SC5D: variants seen among roughly 807,000 people sequenced by gnomAD.
The protein encoded by SC5D is sterol-C5-desaturase.
Under a neutral mutation model 23.9 loss-of-function variants are expected in SC5D, and 21 were observed. That is an observed-to-expected ratio of 0.88 (90% CI 0.62 to 1.26). The LOEUF is 1.26. Among genes scored for constraint, SC5D ranks in the 50% most tolerant of loss-of-function variants. SC5D has a pLI of 0.00. For synonymous variants in SC5D, 113 were observed against 125.9 expected, an observed-to-expected ratio of 0.90 and a Z score of 0.68; for missense variants, 309 against 364.8, an observed-to-expected ratio of 0.85 and a Z score of 1.25.
Position 121,308,023 on chromosome 11 carries a change from A to G in SC5D, c.*511A>G, listed in dbSNP as rs1947980961. 1 of 154,362 alleles carries G rather than the reference A, an allele frequency of 6.5e-6. No homozygotes were observed. Among genetic ancestry groups the G allele is most frequent in the Non-Finnish European group, 1.4e-5 (1 of 69,406 alleles). 9.6% of individuals were successfully genotyped at this position (154,362 alleles called of 1,614,324 possible). On this transcript the variant is annotated 3_prime_UTR_variant, in exon 5 of 5. Coordinates refer to ENST00000264027, the MANE Select transcript of SC5D (RefSeq NM_006918.5). The stretch of plus-strand genomic sequence containing the variant: ...TTTGACTTGAATAAAGTACTACATC[A>G]GTGTGGAAAAAAATTCTGATACATT...
intron 1 of SC5D, among the ~76,000 whole-genome samples, chr11:121,296,811 C>A (rs769438018): frequency 3.9e-4 from 59 of 152,128 alleles, no homozygotes; most frequent in Non-Finnish European, 1.5e-4. Context: ...TTAAATTTTT[C>A]TTTTCCTGAC....
chr11:121,294,508 T>C (rs1488366626), intron 1 of SC5D, among the ~76,000 whole-genome samples: 2 of 152,140 alleles, frequency 1.3e-5, no homozygotes, highest in East Asian at 3.8e-4. Flanking sequence ...CTTTGAGGCT[T>C]CTTGAAAGGG....
rs1289799355 is a variant in SC5D at position 121,292,794 on chromosome 11, G to C, written c.-33G>C. On this transcript the variant is annotated 5_prime_UTR_variant, in exon 1 of 5. Coordinates refer to ENST00000264027, the MANE Select transcript of SC5D (RefSeq NM_006918.5). ...ACAGTTTGCAGAGCAGTGGCGTGCG[G>C]AGCGGCGGCGGACCACCTCCAGGTG... 5 of 152,652 alleles carry C rather than the reference G, an allele frequency of 3.3e-5. No homozygotes were observed. Among genetic ancestry groups the C allele is most frequent in the African/African-American group, 1.2e-4 (5 of 41,480 alleles). The allele number at this position is 152,652 out of a possible 1,614,324, so 9.5% of individuals were successfully genotyped here. A position where few individuals can be genotyped will look rare whatever the true frequency, so the allele number is the denominator to read the frequency against.
In SC5D at chr11:121,307,091, C is replaced by G. The variant is rs1947971579; in HGVS notation, c.479C>G (p.Pro160Arg). The change falls in exon 5 of 5, where the codon CCT (proline) becomes CGT (arginine). Residue 160 changes from proline (P) to arginine (R), a missense_variant. Pro to Arg is a moderately radical substitution (Grantham distance 103). Transcript: ENST00000264027. The part of the protein sequence containing the change: ...LHKPHHIWKI[P>R]TPFASHAFHP... ...AAACCTCACCATATTTGGAAGATTC[C>G]TACTCCATTTGCAAGTCATGCTTTT... 9 of 1,614,140 alleles carry G rather than the reference C, an allele frequency of 5.6e-6. No homozygotes were observed. Among genetic ancestry groups the G allele is most frequent in the Middle Eastern group, 1.6e-4 (1 of 6,062 alleles).
At chr11:121,295,852 C>G (rs1274423901) in intron 1 of SC5D, among the ~76,000 whole-genome samples, 1 of 152,192 alleles carries the variant, frequency 6.6e-6, no homozygotes, top group Non-Finnish European at 1.5e-5. Context: ...CTAGATTTCT[C>G]TCTCTTTCAC....
intron 1 of SC5D, among the ~76,000 whole-genome samples, chr11:121,298,206 C>T (rs1947902424): frequency 6.6e-6 from 1 of 152,102 alleles, no homozygotes; most frequent in Non-Finnish European, 1.5e-5. Context: ...AGTATATTGC[C>T]CAGGCTGTTC....
At chr11:121,300,343 A>G (rs1947917992) in intron 1 of SC5D, among the ~76,000 whole-genome samples, 1 of 152,188 alleles carries the variant, frequency 6.6e-6, no homozygotes, top group African/African-American at 2.4e-5. Flanking sequence ...AAGCCTTACA[A>G]CACAGTAACT....
At chr11:121,306,687 G>T (rs527848792) in intron 4 of SC5D, 1 of 676,430 alleles carries the variant, frequency 1.5e-6, no homozygotes, top group Non-Finnish European at 2.7e-6. Context: ...CGTCTGTTCC[G>T]GTAACAGGTA....
chr11:121,295,242 G>T (rs1947880745), intron 1 of SC5D, among the ~76,000 whole-genome samples: 1 of 152,204 alleles, frequency 6.6e-6, no homozygotes, highest in South Asian at 2.1e-4. Flanking sequence ...GGTGGTCGGG[G>T]ACACAGTTTG....
At chr11:121,304,681 T>C (rs1178122515) in intron 3 of SC5D, 188 bp downstream of exon 3, 2 of 558,246 alleles carry the variant, frequency 3.6e-6, no homozygotes, top group Non-Finnish European at 6.3e-6. Context: ...TTTCTATCAA[T>C]CTGAAAGTCT....
chr11:121,304,301 A>T (rs1236640242), intron 2 of SC5D, 60 bp from the exon 3 acceptor site: 1 of 1,516,076 alleles, frequency 6.6e-7, no homozygotes, highest in Non-Finnish European at 9.2e-7. Context: ...GAACAGTTTT[A>T]TGCTAGTTTT....
At chr11:121,294,379 A>G (rs1306049451) in intron 1 of SC5D, among the ~76,000 whole-genome samples, 3 of 152,166 alleles carry the variant, frequency 2.0e-5, no homozygotes, top group Admixed American at 1.3e-4. Context: ...GTACTTTGCA[A>G]CTAGATTGTG....
chr11:121,299,696 C>T (rs1947912908), intron 1 of SC5D, among the ~76,000 whole-genome samples: 1 of 152,116 alleles, frequency 6.6e-6, no homozygotes, highest in African/African-American at 2.4e-5. Flanking sequence ...TTGAGACCAG[C>T]CTGGGCAATA....
chr11:121,311,870 G>A lies in SC5D; in HGVS notation c.*4358G>A, dbSNP rs1361085944. Among the ~76,000 whole-genome samples, 1 of 152,050 alleles carries A rather than the reference G, an allele frequency of 6.6e-6. No individual in the cohort carries two copies. Among genetic ancestry groups the A allele is most frequent in the East Asian group, 1.9e-4 (1 of 5,190 alleles). Reference sequence around the variant, plus strand: ...GATTATTGTCATTTTACCTCCATAGGCCCTCAATAGAAATCAGTTGCAGAG... The same window carrying A: ...GATTATTGTCATTTTACCTCCATAGACCCTCAATAGAAATCAGTTGCAGAG... On this transcript the variant is annotated 3_prime_UTR_variant, in exon 5 of 5. Transcript: ENST00000264027.
In SC5D at chr11:121,296,258, A is replaced by G. The variant is rs565272798; in HGVS notation, c.-11+3442A>G. Among the ~76,000 whole-genome samples, 8 of 152,300 alleles carry G rather than the reference A, an allele frequency of 5.3e-5. No homozygotes were observed. The South Asian group carries it at 1.2e-3, about 24-fold the overall frequency. ...ACCTAGAAATCTTTAGTGTCTCCTC[A>G]TAGCGTGTGAGAGAAAGTCCAAATT... On this transcript the variant is annotated intron_variant, in intron 1 of 4. Coordinates refer to ENST00000264027, the MANE Select transcript of SC5D (RefSeq NM_006918.5).
At chr11:121,295,732 C>T (rs768350102) in intron 1 of SC5D, among the ~76,000 whole-genome samples, 1 of 152,150 alleles carries the variant, frequency 6.6e-6, no homozygotes, top group African/African-American at 2.4e-5. Context: ...TCATTCCTTA[C>T]CCACCCCCTA....
At position 121,310,867 on chromosome 11, in the gene SC5D, C is replaced by T. The variant is rs904352712; in HGVS notation, c.*3355C>T. Reference sequence around the variant, plus strand: ...CAACTGGTGCTTAACCGTGACTTCCCAGCCTCCAGAGCTGTAAGAAAATAA... The same window carrying T: ...CAACTGGTGCTTAACCGTGACTTCCTAGCCTCCAGAGCTGTAAGAAAATAA... On this transcript the variant is annotated 3_prime_UTR_variant, in exon 5 of 5. Coordinates refer to ENST00000264027, the MANE Select transcript of SC5D (RefSeq NM_006918.5). Among the ~76,000 whole-genome samples, 1 of 152,168 alleles carries T rather than the reference C, an allele frequency of 6.6e-6. No individual in the cohort carries two copies. Among genetic ancestry groups the T allele is most frequent in the African/African-American group, 2.4e-5 (1 of 41,444 alleles).
At chr11:121,303,711 A>C in intron 2 of SC5D, 126 bp downstream of exon 2, 1 of 694,378 alleles carries the variant, frequency 1.4e-6, no homozygotes, top group Non-Finnish European at 2.4e-6. Context: ...ACCAACCACA[A>C]ATGGGTTAGA....
Position 121,307,526 on chromosome 11 carries a change from T to G in SC5D, c.*14T>G. 1.3e-6 allele frequency: 2 copies of G among 1,515,058 alleles called. No individual in the cohort carries two copies. The highest frequency in any genetic ancestry group is 1.8e-6 in the Non-Finnish European group (2 of 1,107,018). The allele number at this position is 1,515,058 out of a possible 1,614,324, so 93.9% of individuals were successfully genotyped here. ...AAGACTGAATAGATTATTGCCCAGT[T>G]ATTCTTAAGTAAGGACAAAGAAGGA... On this transcript the variant is annotated 3_prime_UTR_variant, in exon 5 of 5. Coordinates refer to ENST00000264027, the MANE Select transcript of SC5D (RefSeq NM_006918.5).
Sources: gnomAD v4.1 joint callset for allele counts (sites outside exome capture counted in the v4.1 genomes callset) on GRCh38, gnomAD v4.1.1 for gene constraint, MANE v1.5 for transcripts, NCBI Gene and HGNC (gene_info 2026-07-23, HGNC 2026-07-21) for gene names.